The following SPTB variants were observed in gnomAD, a reference collection of about 807,000 sequenced individuals.
The protein encoded by SPTB is spectrin beta chain, erythrocytic.
A neutral mutation model predicts 256.2 loss-of-function variants in SPTB; 45 were observed. That is an observed-to-expected ratio of 0.18 (90% confidence interval 0.14 to 0.23). The LOEUF is 0.23. Ranked by LOEUF, SPTB falls within the 10% of genes least tolerant of loss-of-function variation. SPTB has a pLI of 1.00. For missense variants in SPTB, 2,715 were observed against 3,040.4 expected, an observed-to-expected ratio of 0.89 and a Z score of 2.52; for synonymous variants, 1,231 against 1,243.1, an observed-to-expected ratio of 0.99 and a Z score of 0.21.
At chr14:64,878,632 G>A (rs187343925) in intron 1 of SPTB, among the ~76,000 whole-genome samples, 1 of 152,058 alleles carries the variant, frequency 6.6e-6, no homozygotes, top group South Asian at 2.1e-4. Flanking sequence ...TTAGGGAGCC[G>A]CCTGAATCTC....
chr14:64,755,871 G>C (rs965491174), intron 32 of SPTB: 4 of 152,176 alleles, frequency 2.6e-5, no homozygotes, highest in Non-Finnish European at 4.4e-5. Flanking sequence ...AGATATGCAC[G>C]TGCAATAAAT....
intron 1 of SPTB, among the ~76,000 whole-genome samples, chr14:64,862,056 A>C (rs955752077): frequency 6.6e-6 from 1 of 152,134 alleles, no homozygotes; most frequent in Non-Finnish European, 1.5e-5. Context: ...AGAGCTGTCA[A>C]ATCGACACCC....
chr14:64,784,300 C>T lies in SPTB; in HGVS notation c.3949G>A (p.Ala1317Thr). 1 of 1,614,232 alleles carries T rather than the reference C, an allele frequency of 6.2e-7. No individual in the cohort carries two copies. Among genetic ancestry groups the T allele is most frequent in the Non-Finnish European group, 8.5e-7 (1 of 1,180,042 alleles). Reference protein sequence around the residue: ...NLHNKWLKHQAFVAELASHEG... With the variant: ...NLHNKWLKHQTFVAELASHEG... The stretch of plus-strand genomic sequence containing the variant: ...TGGGAAGCCAGCTCTGCCACAAACG[C>T]CTGGTGCTTTAGCCATTTATTGTGA... The change falls in exon 19 of 36, where the codon GCG becomes ACG. Residue 1317 changes from alanine (A) to threonine (T), a missense_variant. This residue lies in a region of SPTB where 2,239 missense variants were observed against 2,384.4 expected (regional missense o/e 0.94). Coordinates refer to ENST00000644917, the MANE Select transcript of SPTB (RefSeq NM_001355436.2).
In SPTB at chr14:64,795,362, C is replaced by T. The variant is rs750124646; in HGVS notation, c.1619G>A (p.Ser540Asn). The T allele has an allele frequency of 4.3e-6, 7 of 1,612,084 alleles. No homozygotes were observed. Among genetic ancestry groups the T allele is most frequent in the Admixed American group, 1.7e-5 (1 of 60,012 alleles). The part of the protein sequence containing the change: ...LQKLFQDMLH[S>N]IDWMDEIKAH... Reference sequence around the variant, plus strand: ...CTTGATCTCATCCATCCAGTCGATGCTGTGCAGCATGTCCTGGAAGAGCTT... The same window carrying T: ...CTTGATCTCATCCATCCAGTCGATGTTGTGCAGCATGTCCTGGAAGAGCTT... Residue 540 changes from serine (S) to asparagine (N), a missense_variant, in exon 12 of 36, where the codon AGC becomes AAC. Coordinates refer to ENST00000644917, the MANE Select transcript of SPTB (RefSeq NM_001355436.2). The surrounding 1 kb of genome is among the most constrained non-coding windows in gnomAD (Gnocchi z 6.5).
chr14:64,785,623 T>C lies in SPTB; in HGVS notation c.3769A>G (p.Arg1257Gly). 8 of 1,614,122 alleles carry C rather than the reference T, an allele frequency of 5.0e-6. No homozygotes were observed. The highest frequency in any genetic ancestry group is 6.8e-6 in the Non-Finnish European group (8 of 1,179,998). Residue 1257 changes from arginine to glycine, a missense_variant, in exon 18 of 36, where the codon AGG (arginine) becomes GGG (glycine). Physicochemically the swap from Arg to Gly is moderately radical, Grantham distance 125 (BLOSUM62 -2). Around this residue, in one of 4 missense-constraint regions of SPTB, gnomAD observed 2,239 missense variants for 2,384.4 expected, o/e 0.94. Coordinates refer to ENST00000644917, the MANE Select transcript of SPTB (RefSeq NM_001355436.2). The surrounding 1 kb of genome is among the most constrained non-coding windows in gnomAD (Gnocchi z 4.4). ...TCCTGGGCCTTCTCGTTGTTCTTCCTGTGCCTGGAAAGGAAGCCAAAAGCA... is the reference window on the plus strand; with the variant it reads ...TCCTGGGCCTTCTCGTTGTTCTTCCCGTGCCTGGAAAGGAAGCCAAAAGCA... Reference protein sequence around the residue: ...EKVQLIEDRHRKNNEKAQEAS... With the variant: ...EKVQLIEDRHGKNNEKAQEAS...
intron 20 of SPTB, among the ~76,000 whole-genome samples, chr14:64,781,944 C>G (rs1258981423): frequency 6.6e-6 from 1 of 152,162 alleles, no homozygotes; most frequent in Non-Finnish European, 1.5e-5. Context: ...GGCCATTATC[C>G]TTAGCAAACT....
intron 32 of SPTB, chr14:64,766,292 A>T: frequency 1.3e-6 from 1 of 747,350 alleles, no homozygotes; most frequent in Non-Finnish European, 1.8e-6. Flanking sequence ...GTGTGTGGGC[A>T]TGTGCCTGTG....
chr14:64,823,028 A>G lies in SPTB; in HGVS notation c.67T>C (p.Trp23Arg), dbSNP rs1302184341. ...TCCAGCTCGTCGTCTGGGGCGTCCCAGCGGGCATTGATCCTGCTGTAAGGT... is the reference window on the plus strand; with the variant it reads ...TCCAGCTCGTCGTCTGGGGCGTCCCGGCGGGCATTGATCCTGCTGTAAGGT... ...QPPYSRINARWDAPDDELDND... is the reference protein window; with the variant it reads ...QPPYSRINARRDAPDDELDND... Residue 23 changes from tryptophan to arginine, a missense_variant, in exon 2 of 36, where the codon TGG (tryptophan) becomes CGG (arginine). Transcript: ENST00000644917. This position sits in a 1 kb window ranked among gnomAD's most constrained non-coding sequence, Gnocchi z 6.5. 1.2e-6 allele frequency: 2 copies of G among 1,614,150 alleles called. No homozygotes were observed. The highest frequency in any genetic ancestry group is 2.2e-5 in the South Asian group (2 of 91,072).
At chr14:64,781,271 A>G (rs1437876136) in intron 20 of SPTB, among the ~76,000 whole-genome samples, 1 of 152,234 alleles carries the variant, frequency 6.6e-6, no homozygotes, top group Non-Finnish European at 1.5e-5. Flanking sequence ...AGAAACTATC[A>G]ACAGAGTAAA....
At chr14:64,783,624 T>C (rs2082512117) in intron 19 of SPTB, among the ~76,000 whole-genome samples, 2 of 152,200 alleles carry the variant, frequency 1.3e-5, no homozygotes, top group African/African-American at 4.8e-5. Flanking sequence ...TCTCATTTCA[T>C]AGAGGGAGAA....
Position 64,772,821 on chromosome 14 carries a change from C to A in SPTB, c.5312G>T (p.Trp1771Leu). The A allele has an allele frequency of 6.2e-7, 1 of 1,613,936 alleles. No homozygotes were observed. The highest frequency in any genetic ancestry group is 8.5e-7 in the Non-Finnish European group (1 of 1,180,010). The change falls in exon 26 of 36, where the codon TGG becomes TTG. Residue 1771 changes from tryptophan (W) to leucine (L), a missense_variant. By Grantham distance (61) the Trp-to-Leu change is moderately conservative. Around this residue, in one of 4 missense-constraint regions of SPTB, gnomAD observed 2,239 missense variants for 2,384.4 expected, o/e 0.94. Transcript: ENST00000644917. This position sits in a 1 kb window ranked among gnomAD's most constrained non-coding sequence, Gnocchi z 5.4. ...GHSEAATIAE[W>L]KDGLNEMWAD... ...CCACATCTCGTTCAGCCCGTCCTTC[C>A]ACTCGGCGATGGTGGCCGCCTCGCT...
chr14:64,820,337 C>T (rs924880717), intron 2 of SPTB, among the ~76,000 whole-genome samples: 1 of 152,160 alleles, frequency 6.6e-6, no homozygotes, highest in Non-Finnish European at 1.5e-5. Flanking sequence ...ATTCTGCCTA[C>T]CCAGCAGAAT....
intron 2 of SPTB, among the ~76,000 whole-genome samples, chr14:64,815,335 T>C (rs1166784251): frequency 1.3e-5 from 2 of 152,206 alleles, no homozygotes; most frequent in East Asian, 3.9e-4. Flanking sequence ...TGAAGAACAT[T>C]CAATAGGGGC....
chr14:64,877,990 T>TA (rs1383328215), intron 1 of SPTB, among the ~76,000 whole-genome samples: 20 of 152,248 alleles, frequency 1.3e-4, no homozygotes, highest in African/African-American at 4.6e-4. Context: ...GAGAACTTGA[T>TA]ACGCCTGTGC....
rs2082394657 is a variant in SPTB at position 64,778,184 on chromosome 14, A to C, written c.4563+973T>G. On this transcript the variant is annotated intron_variant, in intron 22 of 35. Transcript: ENST00000644917. The surrounding 1 kb of genome is among the most constrained non-coding windows in gnomAD (Gnocchi z 5.2). The stretch of plus-strand genomic sequence containing the variant: ...ATGTCAACCAGAAGCAAAGGGCCTA[A>C]GGCAGCTTTGAAGAAACTTCTCTGA... Among the ~76,000 whole-genome samples the C allele has an allele frequency of 6.6e-6, 1 of 152,198 alleles. No homozygotes were observed. Among genetic ancestry groups the C allele is most frequent in the African/African-American group, 2.4e-5 (1 of 41,450 alleles).
chr14:64,780,656 G>A (rs1346043553), intron 20 of SPTB, among the ~76,000 whole-genome samples: 4 of 152,136 alleles, frequency 2.6e-5, no homozygotes, highest in Admixed American at 6.5e-5. Context: ...CAGGTGATCT[G>A]CCCACCTTGG....
At chr14:64,855,406 T>C (rs887445830) in intron 1 of SPTB, among the ~76,000 whole-genome samples, 3 of 152,222 alleles carry the variant, frequency 2.0e-5, no homozygotes, top group Admixed American at 1.3e-4. Flanking sequence ...TCTTTATGGC[T>C]TGGGGAAATG....
intron 2 of SPTB, among the ~76,000 whole-genome samples, chr14:64,810,343 A>G (rs2083064944): frequency 6.6e-6 from 1 of 152,212 alleles, no homozygotes; most frequent in South Asian, 2.1e-4. Context: ...GATAAATTTC[A>G]TGTGGGTCAA....
rs1306896579 is a variant in SPTB, at chr14:64,772,880, A to G, written c.5253T>C (p.Asn1751=). The G allele has an allele frequency of 1.2e-6, 2 of 1,609,082 alleles. No homozygotes were observed. The highest frequency in any genetic ancestry group is 3.3e-5 in the Admixed American group (2 of 59,956). ...CGTCGATGAGTCGCTCGATGAAGGCATTCACATTGTCCACCCGCTCCTGCC... is the reference window on the plus strand; with the variant it reads ...CGTCGATGAGTCGCTCGATGAAGGCGTTCACATTGTCCACCCGCTCCTGCC... ...AIGQERVDNV[N]AFIERLIDAG... is the part of the protein sequence containing the mutation. The change falls in exon 26 of 36, where the codon AAT becomes AAC. Residue 1751 remains asparagine, a synonymous_variant. Coordinates refer to ENST00000644917, the MANE Select transcript of SPTB (RefSeq NM_001355436.2). This position sits in a 1 kb window ranked among gnomAD's most constrained non-coding sequence, Gnocchi z 5.4.
Sources: allele counts gnomAD v4.1 joint callset (sites outside exome capture counted in the v4.1 genomes callset), GRCh38; gene constraint gnomAD v4.1.1; regional missense constraint gnomAD v4.1.1; non-coding constraint Gnocchi (gnomAD v3.1); transcripts MANE v1.5; gene names NCBI Gene and HGNC (gene_info 2026-07-23, HGNC 2026-07-21).